Variants in NEK11 observed in about 807,000 individuals in gnomAD.
The protein encoded by NEK11 is serine/threonine-protein kinase Nek11.
NEK11 carries 72 observed loss-of-function variants against 80.7 expected under a neutral mutation model. That is an observed-to-expected ratio of 0.89 (90% CI 0.74 to 1.08). NEK11 has a LOEUF of 1.08. Among genes scored for constraint, NEK11 ranks in the 50% least tolerant of loss-of-function variants. NEK11 has a pLI of 0.00. For missense variants in NEK11, 764 were observed against 763.6 expected (o/e 1.00, Z -0.01); for synonymous variants, 251 against 260.7 (o/e 0.96, Z 0.36).
chr3:131,216,373 G>A (rs189039303), intron 14 of NEK11, among the ~76,000 whole-genome samples: 8 of 152,316 alleles, frequency 5.3e-5, no homozygotes, highest in Admixed American at 1.3e-4. Flanking sequence ...CCAAACTTAA[G>A]ATTTTATACT....
chr3:131,338,739 C>A (rs113658548), intron 17 of NEK11, among the ~76,000 whole-genome samples: 1,752 of 152,272 alleles, frequency 0.012, 38 homozygotes, highest in African/African-American at 0.038. Context: ...GGCACCAGTT[C>A]TTTAAAAGCT....
intron 16 of NEK11, among the ~76,000 whole-genome samples, chr3:131,271,757 T>C (rs1285420506): frequency 6.6e-6 from 1 of 151,258 alleles, no homozygotes; most frequent in Non-Finnish European, 1.5e-5. Context: ...ATCTCACTAT[T>C]GCACTCCAGC....
chr3:131,298,352 T>C (rs1016333289), intron 17 of NEK11, among the ~76,000 whole-genome samples: 32 of 152,144 alleles, frequency 2.1e-4, no homozygotes, highest in African/African-American at 7.7e-4. Flanking sequence ...GAGCAGTGGT[T>C]TGTAGTTCTC....
At chr3:131,041,722 C>A (rs948730899) in intron 3 of NEK11, among the ~76,000 whole-genome samples, 1 of 152,126 alleles carries the variant, frequency 6.6e-6, no homozygotes. Flanking sequence ...TATTTCATAA[C>A]TATACTTGGA....
intron 17 of NEK11, among the ~76,000 whole-genome samples, chr3:131,313,945 T>G (rs2096807682): frequency 6.6e-6 from 1 of 152,222 alleles, no homozygotes; most frequent in Non-Finnish European, 1.5e-5. Context: ...TAAGGTATAT[T>G]TACTTTTCAG....
In NEK11 at chr3:131,245,113, C is replaced by T. The variant is rs552899558; in HGVS notation, c.1621+1617C>T. 1.6e-4 allele frequency among the ~76,000 whole-genome samples: 25 copies of T among 152,124 alleles called. No homozygotes were observed. The South Asian group carries it at 3.5e-3, about 21-fold the overall frequency. On this transcript the variant is annotated intron_variant, in intron 16 of 17. Coordinates refer to ENST00000383366, the MANE Select transcript of NEK11 (RefSeq NM_024800.5). ...CCCAACTTCCCACTCTTCTGAGTCT[C>T]CAACGTCCGTTACTCCACACTGTAT...
intron 10 of NEK11, among the ~76,000 whole-genome samples, chr3:131,156,547 A>C (rs1016220301): frequency 6.6e-6 from 1 of 152,126 alleles, no homozygotes; most frequent in Non-Finnish European, 1.5e-5. Context: ...CCCTTCCCTC[A>C]TGCTAAATTT....
chr3:131,034,821 G>A (rs1490396061), intron 3 of NEK11, among the ~76,000 whole-genome samples: 1 of 152,230 alleles, frequency 6.6e-6, no homozygotes, highest in Non-Finnish European at 1.5e-5. Context: ...CTAGTATACA[G>A]TACAAGACAA....
At chr3:131,282,739 G>A (rs919248978) in intron 17 of NEK11, among the ~76,000 whole-genome samples, 1 of 152,202 alleles carries the variant, frequency 6.6e-6, no homozygotes, top group Admixed American at 6.5e-5. Flanking sequence ...CAGAACATGA[G>A]AAGTCCATGA....
intron 7 of NEK11, among the ~76,000 whole-genome samples, chr3:131,135,040 G>C (rs2085295920): frequency 6.6e-6 from 1 of 152,178 alleles, no homozygotes; most frequent in Admixed American, 6.5e-5. Flanking sequence ...CAGTGTAAAA[G>C]ATGTGCTTAC....
chr3:131,108,864 C>A (rs1039890061), intron 4 of NEK11, among the ~76,000 whole-genome samples: 4 of 151,842 alleles, frequency 2.6e-5, no homozygotes, highest in Admixed American at 6.6e-5. Flanking sequence ...CGCATGGTAC[C>A]CTGGGCATGC....
chr3:131,150,265 T>C (rs1175808304), intron 7 of NEK11, among the ~76,000 whole-genome samples: 2 of 152,018 alleles, frequency 1.3e-5, no homozygotes, highest in Non-Finnish European at 2.9e-5. Context: ...TTGGTAAATG[T>C]TCCATGTGCC....
intron 17 of NEK11, chr3:131,327,387 G>A (rs1466181386): frequency 6.6e-6 from 1 of 152,230 alleles, no homozygotes. Flanking sequence ...CCTCTCAATG[G>A]GAGTTGGAGC....
At chr3:131,157,336 G>C (rs190422430) in intron 10 of NEK11, among the ~76,000 whole-genome samples, 1 of 151,838 alleles carries the variant, frequency 6.6e-6, no homozygotes, top group Non-Finnish European at 1.5e-5. Context: ...TAGATTTTGC[G>C]CCTGAGGTAT....
chr3:131,298,145 G>A (rs1190508866), intron 17 of NEK11, among the ~76,000 whole-genome samples: 9 of 151,636 alleles, frequency 5.9e-5, no homozygotes, highest in South Asian at 2.1e-4. Context: ...TTGGTGATGC[G>A]GGCTCTTTTT....
intron 3 of NEK11, among the ~76,000 whole-genome samples, chr3:131,040,418 G>A (rs2066302574): frequency 6.6e-6 from 1 of 151,956 alleles, no homozygotes; most frequent in East Asian, 1.9e-4. Context: ...ATGTTTCATG[G>A]GTATATACAT....
At chr3:131,253,172 T>C (rs2095740213) in intron 16 of NEK11, among the ~76,000 whole-genome samples, 1 of 152,146 alleles carries the variant, frequency 6.6e-6, no homozygotes, top group Admixed American at 6.6e-5. Flanking sequence ...GTCCTTGTCA[T>C]GAGGTGGGCT....
Position 131,161,595 on chromosome 3 carries a change from A to G in NEK11, c.963-813A>G, listed in dbSNP as rs1220808152. On this transcript the variant is annotated intron_variant, in intron 10 of 17. Coordinates refer to ENST00000383366, the MANE Select transcript of NEK11 (RefSeq NM_024800.5). Reference sequence around the variant, plus strand: ...GTAATGCATGACCAGAAAACCAAATAATGCATGTTCTCACTTATAAGTGGG... The same window carrying G: ...GTAATGCATGACCAGAAAACCAAATGATGCATGTTCTCACTTATAAGTGGG... Among the ~76,000 whole-genome samples, 4 of 152,282 alleles carry G rather than the reference A, an allele frequency of 2.6e-5. No homozygotes were observed. The East Asian group carries it at 5.8e-4, about 22-fold the overall frequency.
intron 6 of NEK11, 76 bp from the exon 7 acceptor site, chr3:131,133,754 C>A: frequency 8.7e-7 from 1 of 1,145,424 alleles, no homozygotes; most frequent in Non-Finnish European, 1.3e-6. Flanking sequence ...AAATTAGGCA[C>A]TCATTCAGTT....
Sources: allele counts gnomAD v4.1 joint callset (sites outside exome capture counted in the v4.1 genomes callset), GRCh38; gene constraint gnomAD v4.1.1; transcripts MANE v1.5; gene names NCBI Gene and HGNC (gene_info 2026-07-23, HGNC 2026-07-21).